The following DNAI4 variants were observed in gnomAD, a reference collection of about 807,000 sequenced individuals.
The protein encoded by DNAI4 is WD repeat domain 78.
In DNAI4, 85 loss-of-function variants were observed where a neutral mutation model predicts 105.8. That is an observed-to-expected ratio of 0.80 (90% CI 0.67 to 0.96). The LOEUF (loss-of-function observed/expected upper bound fraction) is 0.96, where lower values mean the gene tolerates loss of function less well. Ranked by LOEUF, DNAI4 falls within the 40% of genes least tolerant of loss-of-function variation. The pLI is 0.00. For missense variants in DNAI4, 1,014 were observed against 1,005.6 expected, an observed-to-expected ratio of 1.01 and a Z score of -0.11; for synonymous variants, 352 against 331.5, an observed-to-expected ratio of 1.06 and a Z score of -0.67.
At position 66,924,771 on chromosome 1, in the gene DNAI4, AC is replaced by A; in HGVS notation, c.60del (p.Tyr21ThrfsTer37). On this transcript the variant is annotated frameshift_variant, in exon 1 of 17. Transcript: ENST00000371026. LOFTEE classifies it high-confidence loss of function. ...TTTTGGCCGCCTCTGAAGTCCCTGT[AC>A]CCCCAAGCTCCTCCGTTAGCGGCTC... is the stretch of plus-strand genomic sequence containing the variant. ...SARAANGGAW[G>X]YRDFRGGQKK... 1.2e-6 allele frequency: 2 copies of A among 1,613,830 alleles called. No homozygotes were observed. Among genetic ancestry groups the A allele is most frequent in the Non-Finnish European group, 1.7e-6 (2 of 1,179,966 alleles).
Position 66,900,262 on chromosome 1 carries a change from C to T in DNAI4, c.345+4939G>A, listed in dbSNP as rs138974563. On this transcript the variant is annotated intron_variant, in intron 2 of 16. Coordinates refer to ENST00000371026, the MANE Select transcript of DNAI4 (RefSeq NM_024763.5). Reference sequence around the variant, plus strand: ...GATTACAGGCATGCACCACCACACCCGGCTAACTTTGTATTTTTAGTAGAG... The same window carrying T: ...GATTACAGGCATGCACCACCACACCTGGCTAACTTTGTATTTTTAGTAGAG... 6.4e-3 allele frequency among the ~76,000 whole-genome samples: 967 copies of T among 151,990 alleles called. 9 individuals are homozygous for T. Among genetic ancestry groups the T allele is most frequent in the African/African-American group, 0.022 (900 of 41,432 alleles).
At chr1:66,846,032 C>A (rs778861757) in intron 8 of DNAI4, among the ~76,000 whole-genome samples, 36 of 151,946 alleles carry the variant, frequency 2.4e-4, no homozygotes, top group Non-Finnish European at 2.4e-4. Context: ...ATAAATCTTA[C>A]CTCAATAAAA....
At chr1:66,865,425 AAACAAC>A (rs965317556) in intron 6 of DNAI4, among the ~76,000 whole-genome samples, 1 of 152,158 alleles carries the variant, frequency 6.6e-6, no homozygotes, top group Non-Finnish European at 1.5e-5. Flanking sequence ...CCCCATCTCA[AAACAAC>A]AACAACAACA....
intron 15 of DNAI4, among the ~76,000 whole-genome samples, chr1:66,825,881 A>G (rs1645742463): frequency 6.6e-6 from 1 of 152,218 alleles, no homozygotes; most frequent in South Asian, 2.1e-4. Flanking sequence ...CATTTCTTTC[A>G]AACAAGAATT....
chr1:66,872,373 C>T (rs1414009566), intron 5 of DNAI4, among the ~76,000 whole-genome samples: 2 of 152,044 alleles, frequency 1.3e-5, no homozygotes, highest in Non-Finnish European at 2.9e-5. Flanking sequence ...GTACTACTGG[C>T]ATAAGCCACC....
chr1:66,875,876 G>A (rs1391139431), intron 4 of DNAI4, among the ~76,000 whole-genome samples: 1 of 151,918 alleles, frequency 6.6e-6, no homozygotes, highest in Non-Finnish European at 1.5e-5. Context: ...TACCATCTAT[G>A]ACTAATAAAT....
At chr1:66,830,505 G>A (rs1056805561) in intron 13 of DNAI4, among the ~76,000 whole-genome samples, 4 of 151,904 alleles carry the variant, frequency 2.6e-5, no homozygotes, top group African/African-American at 7.3e-5. Flanking sequence ...GGCCAGGCGC[G>A]GTGGCCGAAG....
chr1:66,902,474 A>C (rs1445300802), intron 2 of DNAI4, among the ~76,000 whole-genome samples: 1 of 152,156 alleles, frequency 6.6e-6, no homozygotes, highest in Non-Finnish European at 1.5e-5. Context: ...TATCAAATAT[A>C]TAATTTGCAA....
intron 7 of DNAI4, among the ~76,000 whole-genome samples, chr1:66,850,678 C>A (rs1052454719): frequency 6.6e-6 from 1 of 151,990 alleles, no homozygotes; most frequent in African/African-American, 2.4e-5. Context: ...ATCTAAATAT[C>A]TTTCTAAATA....
intron 1 of DNAI4, among the ~76,000 whole-genome samples, chr1:66,910,694 T>G (rs1649592578): frequency 6.6e-6 from 1 of 152,212 alleles, no homozygotes; most frequent in South Asian, 2.1e-4. Context: ...GCCTTATTTT[T>G]CTCCTTAGAA....
chr1:66,865,870 G>A (rs1205268564), intron 6 of DNAI4, among the ~76,000 whole-genome samples: 2 of 152,196 alleles, frequency 1.3e-5, no homozygotes, highest in Non-Finnish European at 2.9e-5. Flanking sequence ...TTTAGCAGAA[G>A]TTATTTCTGT....
intron 1 of DNAI4, among the ~76,000 whole-genome samples, chr1:66,906,668 T>A (rs1242523043): frequency 6.6e-6 from 1 of 152,188 alleles, no homozygotes; most frequent in South Asian, 2.1e-4. Flanking sequence ...TAAATATTTT[T>A]AAAATATATG....
chr1:66,825,204 G>A (rs1441533983), intron 15 of DNAI4, among the ~76,000 whole-genome samples: 2 of 118,808 alleles, frequency 1.7e-5, no homozygotes, highest in Non-Finnish European at 3.2e-5. Flanking sequence ...ACGGAGTCTC[G>A]CTCTGTCGCC....
chr1:66,816,886 AT>A (rs1158629127), intron 16 of DNAI4, among the ~76,000 whole-genome samples: 2 of 151,864 alleles, frequency 1.3e-5, no homozygotes, highest in East Asian at 3.9e-4. Flanking sequence ...AAAATTAAGT[AT>A]TTTTCTTCTA....
intron 1 of DNAI4, among the ~76,000 whole-genome samples, chr1:66,908,692 G>A (rs988235708): frequency 6.6e-6 from 1 of 152,088 alleles, no homozygotes; most frequent in Non-Finnish European, 1.5e-5. Context: ...AATGAAACTG[G>A]AAGAAAAATA....
intron 9 of DNAI4, among the ~76,000 whole-genome samples, chr1:66,838,863 A>T (rs1416548540): frequency 1.3e-5 from 2 of 152,178 alleles, no homozygotes; most frequent in Non-Finnish European, 2.9e-5. Flanking sequence ...TTTCCTCATC[A>T]TAGCACATTT....
chr1:66,910,886 C>G (rs1649608040), intron 1 of DNAI4, among the ~76,000 whole-genome samples: 1 of 152,178 alleles, frequency 6.6e-6, no homozygotes, highest in Non-Finnish European at 1.5e-5. Context: ...TTGCTCTGCT[C>G]TCAAACCACA....
At chr1:66,820,616 G>A (rs996337704) in intron 16 of DNAI4, among the ~76,000 whole-genome samples, 1 of 151,918 alleles carries the variant, frequency 6.6e-6, no homozygotes, top group Non-Finnish European at 1.5e-5. Flanking sequence ...TTCAAAGGTG[G>A]TAAATGTTAT....
intron 6 of DNAI4, among the ~76,000 whole-genome samples, chr1:66,862,670 G>A (rs144428348): frequency 3.8e-4 from 58 of 152,236 alleles, no homozygotes; most frequent in Admixed American, 2.0e-3. Flanking sequence ...ACATCATGAG[G>A]ATACCTCAAG....
Sources: allele counts gnomAD v4.1 joint callset (sites outside exome capture counted in the v4.1 genomes callset), GRCh38; gene constraint gnomAD v4.1.1; transcripts MANE v1.5; gene names NCBI Gene and HGNC (gene_info 2026-07-23, HGNC 2026-07-21).